The following CHRM3 variants were observed in gnomAD, a reference collection of about 807,000 sequenced individuals.
The protein encoded by CHRM3 is muscarinic acetylcholine receptor M3.
Under a neutral mutation model 41.8 loss-of-function variants are expected in CHRM3, and 11 were observed. That is an observed-to-expected ratio of 0.26 (90% confidence interval 0.17 to 0.44). The LOEUF (loss-of-function observed/expected upper bound fraction) is 0.44. Among genes scored for constraint, CHRM3 ranks in the 20% least tolerant of loss-of-function variants. The pLI, the probability that CHRM3 is intolerant of heterozygous loss-of-function variation, is 1.00. For missense variants in CHRM3, 571 were observed against 745.4 expected (o/e 0.77, Z 2.72); for synonymous variants, 297 against 301.4 (o/e 0.99, Z 0.15).
intron 1 of CHRM3, among the ~76,000 whole-genome samples, chr1:239,480,068 A>G (rs1449555611): frequency 5.9e-5 from 9 of 152,208 alleles, no homozygotes; most frequent in Non-Finnish European, 1.3e-4. Context: ...AGTTGACTGA[A>G]TCATAATTAT....
intron 1 of CHRM3, among the ~76,000 whole-genome samples, chr1:239,424,366 T>A (rs575044315): frequency 6.6e-6 from 1 of 152,178 alleles, no homozygotes; most frequent in South Asian, 2.1e-4. Flanking sequence ...TGAGCTAGGC[T>A]TGGAAATTAA....
intron 5 of CHRM3, among the ~76,000 whole-genome samples, chr1:239,715,423 T>A (rs150078204): frequency 6.6e-6 from 1 of 152,112 alleles, no homozygotes; most frequent in Non-Finnish European, 1.5e-5. Flanking sequence ...AAGCTCTAAT[T>A]TGTAGCTATT....
At chr1:239,901,647 A>C (rs1468142999) in intron 6 of CHRM3, among the ~76,000 whole-genome samples, 1 of 152,172 alleles carries the variant, frequency 6.6e-6, no homozygotes, top group Non-Finnish European at 1.5e-5. Context: ...CTTACTTAAC[A>C]AAGTATTTTT....
chr1:239,789,363 A>G (rs1364722020), intron 5 of CHRM3, among the ~76,000 whole-genome samples: 1 of 152,216 alleles, frequency 6.6e-6, no homozygotes, highest in Non-Finnish European at 1.5e-5. Context: ...AAACAGGAAT[A>G]TACTTCTACC....
chr1:239,449,358 T>C (rs747749437), intron 1 of CHRM3, among the ~76,000 whole-genome samples: 2 of 152,162 alleles, frequency 1.3e-5, no homozygotes, highest in Non-Finnish European at 1.5e-5. Context: ...GGGTTTTAGC[T>C]GATCATTTCG....
intron 5 of CHRM3, among the ~76,000 whole-genome samples, chr1:239,688,774 C>T (rs1188801891): frequency 7.6e-6 from 1 of 132,282 alleles, no homozygotes; most frequent in Non-Finnish European, 1.6e-5. Context: ...ATATAATACA[C>T]TATTCAATAT....
intron 5 of CHRM3, among the ~76,000 whole-genome samples, chr1:239,813,915 T>A (rs1309496377): frequency 1.6e-4 from 2 of 12,526 alleles, no homozygotes; most frequent in Non-Finnish European, 3.5e-4. Flanking sequence ...AGACTCCGTC[T>A]CAAAAAAAAA....
chr1:239,424,206 C>T (rs537240091), intron 1 of CHRM3, among the ~76,000 whole-genome samples: 50 of 152,190 alleles, frequency 3.3e-4, no homozygotes, highest in African/African-American at 7.0e-4. Flanking sequence ...ACATACGACA[C>T]GGCAATGAGT....
At chr1:239,427,705 G>T (rs1662503230) in intron 1 of CHRM3, among the ~76,000 whole-genome samples, 1 of 151,854 alleles carries the variant, frequency 6.6e-6, no homozygotes, top group Admixed American at 6.6e-5. Context: ...ATGAGATGAT[G>T]ATCAGAGGAG....
At chr1:239,879,682 G>C (rs1307727654) in intron 6 of CHRM3, among the ~76,000 whole-genome samples, 1 of 152,178 alleles carries the variant, frequency 6.6e-6, no homozygotes, top group Non-Finnish European at 1.5e-5. Context: ...AGCAATGAAA[G>C]CAAGAGAGGA....
chr1:239,635,728 A>G (rs1237387913), intron 4 of CHRM3, among the ~76,000 whole-genome samples: 1 of 152,184 alleles, frequency 6.6e-6, no homozygotes, highest in Non-Finnish European at 1.5e-5. Flanking sequence ...TTTATCTCCC[A>G]TTATAATATC....
rs1025100408 is a variant in CHRM3 at position 239,829,057 on chromosome 1, C to T, written c.-20+1679C>T. 7.2e-5 allele frequency among the ~76,000 whole-genome samples: 11 copies of T among 152,250 alleles called. No homozygotes were observed. The South Asian group carries it at 1.9e-3, about 26-fold the overall frequency. ...ACTTGCTTTCTTGAAATGTCCTTGA[C>T]GTTGCTTTTGTTGTTGCTGTTATTG... On this transcript the variant is annotated intron_variant, in intron 6 of 6. Transcript: ENST00000676153.
intron 4 of CHRM3, among the ~76,000 whole-genome samples, chr1:239,639,203 C>G (rs1573064933): frequency 1.3e-5 from 2 of 152,272 alleles, no homozygotes; most frequent in East Asian, 3.9e-4. Context: ...AGTATGATGC[C>G]TCCAGCTTTG....
chr1:239,524,786 G>A (rs1012054415), intron 2 of CHRM3, among the ~76,000 whole-genome samples: 1 of 152,072 alleles, frequency 6.6e-6, no homozygotes, highest in African/African-American at 2.4e-5. Flanking sequence ...CCTGGCTTAG[G>A]TCAGAACCTT....
chr1:239,857,786 G>A (rs1675244579), intron 6 of CHRM3, among the ~76,000 whole-genome samples: 1 of 152,088 alleles, frequency 6.6e-6, no homozygotes, highest in Non-Finnish European at 1.5e-5. Flanking sequence ...GTTTAGTTAT[G>A]CACAAAGGTT....
chr1:239,531,827 T>C (rs934663483), intron 2 of CHRM3, among the ~76,000 whole-genome samples: 7 of 148,150 alleles, frequency 4.7e-5, no homozygotes, highest in Non-Finnish European at 1.0e-4. Context: ...ACCCGGCTAA[T>C]TTTTTGTATT....
In CHRM3 at chr1:239,912,312, G is replaced by A. The variant is rs1305533880; in HGVS notation, c.*3088G>A. ...CTCCTTTGCCCATCAGCTCCCTGTG[G>A]CCTCTATGCTAGTCCTCCCTATTCT... On this transcript the variant is annotated 3_prime_UTR_variant, in exon 7 of 7. Coordinates refer to ENST00000676153, the MANE Select transcript of CHRM3 (RefSeq NM_001375978.1). The A allele has an allele frequency of 6.0e-6, 1 of 167,154 alleles. No individual in the cohort carries two copies. Among genetic ancestry groups the A allele is most frequent in the African/African-American group, 2.4e-5 (1 of 41,412 alleles). The allele number at this position is 167,154 out of a possible 1,614,324, so 10.4% of individuals were successfully genotyped here. A position where few individuals can be genotyped will look rare whatever the true frequency, so the allele number is the denominator to read the frequency against.
intron 5 of CHRM3, among the ~76,000 whole-genome samples, chr1:239,819,569 A>G (rs560445042): frequency 4.7e-4 from 71 of 152,362 alleles, no homozygotes; most frequent in African/African-American, 1.7e-3. Context: ...TTCAATAAAT[A>G]TATAAAAGCC....
At chr1:239,824,688 A>G (rs182513203) in intron 5 of CHRM3, among the ~76,000 whole-genome samples, 70 of 152,346 alleles carry the variant, frequency 4.6e-4, no homozygotes, top group Non-Finnish European at 2.2e-4. Flanking sequence ...TGTTAAGAAC[A>G]CATCCAGGGT....
Sources: gnomAD v4.1 joint callset for allele counts (sites outside exome capture counted in the v4.1 genomes callset) on GRCh38, gnomAD v4.1.1 for gene constraint, MANE v1.5 for transcripts, NCBI Gene and HGNC (gene_info 2026-07-23, HGNC 2026-07-21) for gene names.